The following NTM variants were observed in gnomAD, a reference collection of about 807,000 sequenced individuals.
NTM encodes neurotrimin.
In NTM, 13 loss-of-function variants were observed where a neutral mutation model predicts 42.1. The observed-to-expected ratio is 0.31, with a 90% CI of 0.20 to 0.49. NTM has a LOEUF of 0.49. Among genes scored for constraint, NTM ranks in the 20% least tolerant of loss-of-function variants. The pLI, the probability that NTM is intolerant of heterozygous loss-of-function variation, is 0.99. For missense variants in NTM, 373 were observed against 452.8 expected (o/e 0.82, Z 1.60); for synonymous variants, 187 against 179.2 (o/e 1.04, Z -0.35).
At chr11:131,894,619 CAG>C (rs1256405092) in intron 1 of NTM, among the ~76,000 whole-genome samples, 1 of 152,112 alleles carries the variant, frequency 6.6e-6, no homozygotes, top group Non-Finnish European at 1.5e-5. Context: ...CGCTTCCAAA[CAG>C]AGCACCAGTT....
intron 1 of NTM, among the ~76,000 whole-genome samples, chr11:131,677,926 G>C (rs967186550): frequency 2.0e-5 from 3 of 152,140 alleles, no homozygotes; most frequent in African/African-American, 7.2e-5. Context: ...TCACAGGGTT[G>C]ATTTGAATCT....
intron 4 of NTM, among the ~76,000 whole-genome samples, chr11:132,292,810 A>C (rs2094494413): frequency 6.6e-6 from 1 of 151,310 alleles, no homozygotes; most frequent in Non-Finnish European, 1.5e-5. Context: ...AAAAAAAAAA[A>C]AAACTAAAAA....
chr11:131,753,733 G>A (rs192331899), intron 1 of NTM, among the ~76,000 whole-genome samples: 3 of 151,506 alleles, frequency 2.0e-5, no homozygotes, highest in African/African-American at 7.3e-5. Flanking sequence ...CACACTCTGG[G>A]GACTGTTGTG....
chr11:131,401,833 T>TATATATATACAC (rs1945242742), intron 1 of NTM, among the ~76,000 whole-genome samples: 1 of 98,698 alleles, frequency 1.0e-5, no homozygotes, highest in Non-Finnish European at 2.1e-5. Context: ...TATATATATA[T>TATATATATACAC]ATATATATAT....
intron 1 of NTM, among the ~76,000 whole-genome samples, chr11:131,834,625 C>CATACATATATATATATATATATAT (rs1555148244): frequency 7.5e-6 from 1 of 133,986 alleles, no homozygotes; most frequent in Admixed American, 8.0e-5. Context: ...TATACATATA[C>CATACATATATATATATATATATAT]ATATATATAT....
At chr11:131,991,504 C>T (rs2067015185) in intron 2 of NTM, among the ~76,000 whole-genome samples, 1 of 152,062 alleles carries the variant, frequency 6.6e-6, no homozygotes, top group African/African-American at 2.4e-5. Context: ...AATAGAGAGC[C>T]AAGGACATAA....
At chr11:132,273,726 G>A (rs995368196) in intron 4 of NTM, among the ~76,000 whole-genome samples, 1 of 152,034 alleles carries the variant, frequency 6.6e-6, no homozygotes, top group Admixed American at 6.6e-5. Flanking sequence ...GGCCAACATG[G>A]TGAAACCCCG....
intron 1 of NTM, among the ~76,000 whole-genome samples, chr11:131,859,907 T>G (rs1401644308): frequency 6.6e-6 from 1 of 152,132 alleles, no homozygotes; most frequent in Non-Finnish European, 1.5e-5. Flanking sequence ...AGGTTGTTCT[T>G]ATCAGTAAGG....
At chr11:132,191,654 C>T (rs1347129198) in intron 3 of NTM, among the ~76,000 whole-genome samples, 2 of 152,052 alleles carry the variant, frequency 1.3e-5, no homozygotes, top group Non-Finnish European at 2.9e-5. Flanking sequence ...CACTAGCTAC[C>T]CAGCAATGGT....
chr11:131,442,059 A>T (rs947280092), intron 1 of NTM, among the ~76,000 whole-genome samples: 2 of 152,228 alleles, frequency 1.3e-5, no homozygotes, highest in Non-Finnish European at 2.9e-5. Context: ...TTGGAATGAT[A>T]TCTCACGCTC....
intron 1 of NTM, among the ~76,000 whole-genome samples, chr11:131,570,333 C>T (rs921206): frequency 0.077 from 11,731 of 152,182 alleles, 1,477 homozygotes; most frequent in African/African-American, 0.27. Flanking sequence ...TCCTCGGCCG[C>T]GTTCCAGGAA....
At chr11:131,654,541 T>G (rs764167390) in intron 1 of NTM, among the ~76,000 whole-genome samples, 3 of 152,130 alleles carry the variant, frequency 2.0e-5, no homozygotes, top group Non-Finnish European at 4.4e-5. Flanking sequence ...AGTTGGGTGT[T>G]TGTCCCTTCC....
At chr11:131,901,868 G>T (rs75604208) in intron 1 of NTM, among the ~76,000 whole-genome samples, 4,200 of 152,278 alleles carry the variant, frequency 0.028, 210 homozygotes, top group African/African-American at 0.094. Flanking sequence ...ACACTCACAA[G>T]TTGCTCCTTC....
intron 1 of NTM, among the ~76,000 whole-genome samples, chr11:131,561,088 T>C (rs35969650): frequency 0.19 from 28,716 of 152,198 alleles, 2,948 homozygotes; most frequent in Non-Finnish European, 0.21. Context: ...GCAGGTGCAA[T>C]CTGAAGGGAA....
At chr11:131,410,700 T>C (rs1427424055) in intron 1 of NTM, among the ~76,000 whole-genome samples, 3 of 152,122 alleles carry the variant, frequency 2.0e-5, no homozygotes, top group Non-Finnish European at 4.4e-5. Context: ...AAATTGGTAT[T>C]TTCTTTATTT....
intron 1 of NTM, among the ~76,000 whole-genome samples, chr11:131,531,111 C>A (rs1015621975): frequency 5.3e-5 from 8 of 152,226 alleles, no homozygotes; most frequent in African/African-American, 1.9e-4. Flanking sequence ...AGTGACAAGA[C>A]CAAGGCTCCA....
chr11:131,995,748 T>G (rs11607115), intron 2 of NTM, among the ~76,000 whole-genome samples: 35,996 of 151,378 alleles, frequency 0.24, 4,477 homozygotes, highest in Admixed American at 0.28. Flanking sequence ...AAAGACGGCT[T>G]TATTCAGGTG....
intron 1 of NTM, among the ~76,000 whole-genome samples, chr11:131,729,749 C>CT (rs1164450483): frequency 2.0e-5 from 3 of 152,120 alleles, no homozygotes; most frequent in South Asian, 2.1e-4. Flanking sequence ...ATAAAAAGCA[C>CT]TTTTTTTCCT....
intron 1 of NTM, among the ~76,000 whole-genome samples, chr11:131,813,052 A>T (rs1426546926): frequency 6.6e-6 from 1 of 152,158 alleles, no homozygotes; most frequent in Non-Finnish European, 1.5e-5. Context: ...GTTGGGTCTT[A>T]TTTCTGGACA....
Sources: allele counts gnomAD v4.1 joint callset (sites outside exome capture counted in the v4.1 genomes callset), GRCh38; gene constraint gnomAD v4.1.1; transcripts MANE v1.5; gene names NCBI Gene and HGNC (gene_info 2026-07-23, HGNC 2026-07-21).